The following DENND1A variants were observed in gnomAD, a reference collection of about 807,000 sequenced individuals.
DENND1A encodes DENN domain containing 1A, also known as DENN domain-containing protein 1A.
Under a neutral mutation model 113.7 loss-of-function variants are expected in DENND1A, and 51 were observed. The ratio of observed to expected loss-of-function variants is 0.45; its 90% CI spans 0.36 to 0.57. The LOEUF (loss-of-function observed/expected upper bound fraction) is 0.57, where lower values mean the gene tolerates loss of function less well. Among genes scored for constraint, DENND1A ranks in the 20% least tolerant of loss-of-function variants. The pLI, the probability that DENND1A is intolerant of heterozygous loss-of-function variation, is 0.00. For missense variants in DENND1A, 1,258 were observed against 1,395.9 expected (o/e 0.90, Z 1.57); for synonymous variants, 565 against 570.8 (o/e 0.99, Z 0.14).
chr9:123,919,113 C>A (rs1855756002), intron 1 of DENND1A, among the ~76,000 whole-genome samples: 1 of 152,112 alleles, frequency 6.6e-6, no homozygotes, highest in Non-Finnish European at 1.5e-5. Flanking sequence ...TCAAACGAAT[C>A]CACCGTTTTT....
intron 19 of DENND1A, among the ~76,000 whole-genome samples, chr9:123,431,261 C>T (rs1339106674): frequency 6.6e-6 from 1 of 152,220 alleles, no homozygotes; most frequent in African/African-American, 2.4e-5. Context: ...GCATTCTACT[C>T]TCTCACACAC....
chr9:123,517,180 G>A (rs186881595), intron 13 of DENND1A, among the ~76,000 whole-genome samples: 4 of 151,030 alleles, frequency 2.6e-5, no homozygotes, highest in African/African-American at 9.7e-5. Flanking sequence ...GTGAACCCGG[G>A]ATGTGGAGCT....
chr9:123,618,650 C>A (rs1336582163), intron 10 of DENND1A, among the ~76,000 whole-genome samples: 2 of 152,266 alleles, frequency 1.3e-5, no homozygotes, highest in African/African-American at 4.8e-5. Flanking sequence ...CAGACAGCTC[C>A]CCAAAGGGTG....
At chr9:123,679,126 T>C (rs1322050540) in intron 5 of DENND1A, among the ~76,000 whole-genome samples, 2 of 152,196 alleles carry the variant, frequency 1.3e-5, no homozygotes, top group Non-Finnish European at 2.9e-5. Flanking sequence ...AAGTAGAATC[T>C]TGCAAGAAAA....
chr9:123,550,280 C>T (rs964266068), intron 13 of DENND1A, among the ~76,000 whole-genome samples: 3 of 152,218 alleles, frequency 2.0e-5, no homozygotes, highest in Non-Finnish European at 2.9e-5. Context: ...TTGCTTACTG[C>T]CCCCACCCAG....
At chr9:123,558,474 A>C (rs905244569) in intron 12 of DENND1A, among the ~76,000 whole-genome samples, 1 of 152,216 alleles carries the variant, frequency 6.6e-6, no homozygotes, top group African/African-American at 2.4e-5. Context: ...CACGTAATAC[A>C]TTTGGTATAT....
chr9:123,436,007 G>T (rs2046489484), intron 19 of DENND1A, among the ~76,000 whole-genome samples: 1 of 152,232 alleles, frequency 6.6e-6, no homozygotes, highest in Non-Finnish European at 1.5e-5. Context: ...GGGGTCCTCG[G>T]GAGGGAAGCC....
chr9:123,818,269 T>C (rs929881167), intron 2 of DENND1A, among the ~76,000 whole-genome samples: 2 of 151,652 alleles, frequency 1.3e-5, no homozygotes, highest in African/African-American at 4.8e-5. Flanking sequence ...CACACCCGGC[T>C]AATTTTTTGT....
chr9:123,461,750 C>T (rs927312939), intron 13 of DENND1A, among the ~76,000 whole-genome samples: 1 of 152,190 alleles, frequency 6.6e-6, no homozygotes, highest in African/African-American at 2.4e-5. Context: ...TGATATCCCC[C>T]GGACAAGATG....
chr9:123,891,784 AC>A (rs1265191293), intron 1 of DENND1A, among the ~76,000 whole-genome samples: 1 of 152,194 alleles, frequency 6.6e-6, no homozygotes, highest in African/African-American at 2.4e-5. Context: ...TCCATCTGAA[AC>A]AACCAAAATT....
In DENND1A at chr9:123,583,199, G is replaced by A. The variant is rs111315483; in HGVS notation, c.837C>T (p.Phe279=). Residue 279 remains phenylalanine, a synonymous_variant, in exon 12 of 24, where the codon TTC becomes TTT. Transcript: ENST00000394215. The part of the protein sequence containing the change: ...NVDTNTLETP[F]DDLQSLPNDV... Reference sequence around the variant, plus strand: ...CGTTTGGGAGGCTCTGGAGGTCATCGAAGGGGGTTTCCAGGGTGTTGGTGT... The same window carrying A: ...CGTTTGGGAGGCTCTGGAGGTCATCAAAGGGGGTTTCCAGGGTGTTGGTGT... 9.2e-5 allele frequency: 149 copies of A among 1,612,902 alleles called. 1 individual carries two copies. The highest frequency in any genetic ancestry group is 5.6e-4 in the African/African-American group (42 of 74,968).
chr9:123,413,516 G>C (rs999234764), intron 19 of DENND1A: 6 of 985,356 alleles, frequency 6.1e-6, no homozygotes, highest in Non-Finnish European at 7.2e-6. Flanking sequence ...CTGGAGGGCA[G>C]GGCCTGTGTC....
chr9:123,773,318 G>A (rs1178151288), intron 3 of DENND1A, among the ~76,000 whole-genome samples: 1 of 152,144 alleles, frequency 6.6e-6, no homozygotes, highest in Non-Finnish European at 1.5e-5. Context: ...GGATACACTT[G>A]CAAATGAAAT....
intron 5 of DENND1A, chr9:123,752,033 A>G (rs1448644615): frequency 6.6e-6 from 1 of 152,246 alleles, no homozygotes; most frequent in Non-Finnish European, 1.5e-5. Flanking sequence ...GCAGAAGTGC[A>G]GTGGGAGATG....
chr9:123,500,654 C>T (rs556324754), intron 13 of DENND1A, among the ~76,000 whole-genome samples: 296 of 152,296 alleles, frequency 1.9e-3, no homozygotes, highest in African/African-American at 6.9e-3. Context: ...TCTCCGCACG[C>T]CTCTCCCTCT....
chr9:123,758,797 TC>T (rs2070789000), intron 4 of DENND1A, among the ~76,000 whole-genome samples: 1 of 152,018 alleles, frequency 6.6e-6, no homozygotes, highest in Non-Finnish European at 1.5e-5. Context: ...TTACAGAAAC[TC>T]TTTGTTTTGT....
intron 13 of DENND1A, chr9:123,485,656 G>GCACACACACACACACACACACACACACA: frequency 7.1e-6 from 1 of 141,150 alleles, no homozygotes; most frequent in African/African-American, 2.9e-5. Context: ...GCGCGCGCGC[G>GCACACACACACACACACACACACACACA]CACACACACA....
chr9:123,531,434 A>T (rs1392668823), intron 13 of DENND1A, among the ~76,000 whole-genome samples: 1 of 151,912 alleles, frequency 6.6e-6, no homozygotes, highest in Non-Finnish European at 1.5e-5. Context: ...ACATAGTTTC[A>T]TATTTATGAA....
intron 11 of DENND1A, among the ~76,000 whole-genome samples, chr9:123,603,935 T>C (rs1021318991): frequency 6.6e-6 from 1 of 152,238 alleles, no homozygotes; most frequent in Non-Finnish European, 1.5e-5. Flanking sequence ...ACCTTGATCT[T>C]TGCAAATATC....
Sources: allele counts gnomAD v4.1 joint callset (sites outside exome capture counted in the v4.1 genomes callset), GRCh38; gene constraint gnomAD v4.1.1; transcripts MANE v1.5; gene names NCBI Gene and HGNC (gene_info 2026-07-23, HGNC 2026-07-21).